The following LIMD1 variants were observed in gnomAD, a reference collection of about 807,000 sequenced individuals.
The protein encoded by LIMD1 is LIM domain-containing protein 1.
A neutral mutation model predicts 58.4 loss-of-function variants in LIMD1; 23 were observed. The observed-to-expected ratio is 0.39, with a 90% CI of 0.28 to 0.56. LIMD1 has a LOEUF of 0.56. Ranked by LOEUF, LIMD1 falls within the 20% of genes least tolerant of loss-of-function variation. The probability of loss-of-function intolerance (pLI) is 0.57; values close to 1 mark genes in which losing one functional copy is unlikely to be tolerated. For missense variants in LIMD1, 838 were observed against 855.5 expected, an observed-to-expected ratio of 0.98 and a Z score of 0.25; for synonymous variants, 334 against 345.5, an observed-to-expected ratio of 0.97 and a Z score of 0.37.
At chr3:45,657,295 A>C (rs1697349704) in intron 2 of LIMD1, among the ~76,000 whole-genome samples, 1 of 152,166 alleles carries the variant, frequency 6.6e-6, no homozygotes, top group Non-Finnish European at 1.5e-5. Flanking sequence ...GTTTTTACGG[A>C]GCTGTTCATG....
At position 45,684,566 on chromosome 3, in the gene LIMD1, A is replaced by G. The variant is rs1485349320; in HGVS notation, c.*7507A>G. The G allele has an allele frequency of 6.6e-6, 1 of 152,256 alleles. No individual in the cohort carries two copies. The highest frequency in any genetic ancestry group is 1.5e-5 in the Non-Finnish European group (1 of 68,066). 9.4% of individuals were successfully genotyped at this position (152,256 alleles called of 1,614,324 possible). A position where few individuals can be genotyped will look rare whatever the true frequency, so the allele number is the denominator to read the frequency against. On this transcript the variant is annotated 3_prime_UTR_variant, in exon 8 of 8. Coordinates refer to ENST00000273317, the MANE Select transcript of LIMD1 (RefSeq NM_014240.3). ...CCATGCAGAGGGAGGAGGACTCCGA[A>G]TGGATCTCCCCATTCCTGGCGGGAA...
Position 45,682,140 on chromosome 3 carries a change from C to G in LIMD1, c.*5081C>G, listed in dbSNP as rs1257319802. On this transcript the variant is annotated 3_prime_UTR_variant, in exon 8 of 8. Transcript: ENST00000273317. ...AGCTGGGAGTGAGGATACTCATAGT[C>G]ATAGCACCTTACACCAGAATAAAAG... 1 of 152,178 alleles carries G rather than the reference C, an allele frequency of 6.6e-6. No homozygotes were observed. Among genetic ancestry groups the G allele is most frequent in the Non-Finnish European group, 1.5e-5 (1 of 68,052 alleles). 9.4% of individuals were successfully genotyped at this position (152,178 alleles called of 1,614,324 possible). A position where few individuals can be genotyped will look rare whatever the true frequency, so the allele number is the denominator to read the frequency against.
intron 4 of LIMD1, among the ~76,000 whole-genome samples, chr3:45,668,933 G>C (rs901528125): frequency 2.6e-5 from 4 of 152,170 alleles, no homozygotes; most frequent in African/African-American, 9.7e-5. Flanking sequence ...GCTTCTCTGT[G>C]ATCCTTGTGG....
At chr3:45,625,571 T>C (rs922893424) in intron 1 of LIMD1, among the ~76,000 whole-genome samples, 1 of 152,082 alleles carries the variant, frequency 6.6e-6, no homozygotes, top group Non-Finnish European at 1.5e-5. Context: ...AGTTCAAGTG[T>C]TGGAAACTGA....
chr3:45,664,946 G>A (rs1024517769), intron 2 of LIMD1, among the ~76,000 whole-genome samples: 4 of 152,018 alleles, frequency 2.6e-5, no homozygotes, highest in African/African-American at 7.3e-5. Context: ...AGGGGATCCC[G>A]GGACACCCTC....
At chr3:45,660,479 G>T (rs1221488966) in intron 2 of LIMD1, among the ~76,000 whole-genome samples, 1 of 141,936 alleles carries the variant, frequency 7.0e-6, no homozygotes, top group Non-Finnish European at 1.5e-5. Context: ...GCAATGGCGC[G>T]ATCTTAGCTT....
intron 1 of LIMD1, among the ~76,000 whole-genome samples, chr3:45,602,892 T>C (rs1701429990): frequency 6.6e-6 from 1 of 151,186 alleles, no homozygotes; most frequent in Non-Finnish European, 1.5e-5. Context: ...CAGGCTGGAG[T>C]GCAGTGGTGC....
intron 2 of LIMD1, among the ~76,000 whole-genome samples, chr3:45,646,691 CTTT>C (rs565278104): frequency 7.4e-6 from 1 of 135,468 alleles, no homozygotes. Flanking sequence ...GTTCCTAAAT[CTTT>C]TTTTTTTTTT....
chr3:45,621,773 G>A (rs1170945746), intron 1 of LIMD1, among the ~76,000 whole-genome samples: 2 of 152,074 alleles, frequency 1.3e-5, no homozygotes, highest in South Asian at 2.1e-4. Flanking sequence ...AATTGAAATT[G>A]TGCAATTCAG....
intron 1 of LIMD1, among the ~76,000 whole-genome samples, chr3:45,630,715 G>T (rs1165536895): frequency 6.6e-6 from 1 of 151,918 alleles, no homozygotes; most frequent in Admixed American, 6.6e-5. Context: ...TCATGATGGG[G>T]GGGGTTGGGG....
intron 2 of LIMD1, among the ~76,000 whole-genome samples, chr3:45,643,048 C>T (rs1326107398): frequency 6.6e-6 from 1 of 152,120 alleles, no homozygotes; most frequent in Non-Finnish European, 1.5e-5. Flanking sequence ...CAGGAGTGGC[C>T]TTTGTTGACA....
chr3:45,608,715 C>G (rs1701491927), intron 1 of LIMD1, among the ~76,000 whole-genome samples: 1 of 151,942 alleles, frequency 6.6e-6, no homozygotes, highest in Non-Finnish European at 1.5e-5. Flanking sequence ...TGGCGCATGC[C>G]TGTAGTCCCA....
At chr3:45,616,624 T>C (rs1046328501) in intron 1 of LIMD1, among the ~76,000 whole-genome samples, 1 of 152,168 alleles carries the variant, frequency 6.6e-6, no homozygotes, top group African/African-American at 2.4e-5. Flanking sequence ...TATTCCAGTT[T>C]CTTTCCACTG....
rs1697780595 is a variant in LIMD1, at chr3:45,684,189, G to T, written c.*7130G>T. Reference sequence around the variant, plus strand: ...CTTCTAGGAGAATCTCTGGCTATGTGGATACGTCCAGGTGTGTAAGGCAGC... The same window carrying T: ...CTTCTAGGAGAATCTCTGGCTATGTTGATACGTCCAGGTGTGTAAGGCAGC... On this transcript the variant is annotated 3_prime_UTR_variant, in exon 8 of 8. Coordinates refer to ENST00000273317, the MANE Select transcript of LIMD1 (RefSeq NM_014240.3). The T allele has an allele frequency of 6.6e-6, 1 of 152,214 alleles. No individual in the cohort carries two copies. Among genetic ancestry groups the T allele is most frequent in the Admixed American group, 6.5e-5 (1 of 15,282 alleles). The allele number at this position is 152,214 out of a possible 1,614,324, so 9.4% of individuals were successfully genotyped here.
At chr3:45,667,155 A>C (rs1697531239) in intron 3 of LIMD1, among the ~76,000 whole-genome samples, 1 of 152,228 alleles carries the variant, frequency 6.6e-6, no homozygotes, top group African/African-American at 2.4e-5. Flanking sequence ...GATGGGCAAG[A>C]GTGCCAGTCC....
intron 4 of LIMD1, among the ~76,000 whole-genome samples, chr3:45,671,906 C>T (rs1302558336): frequency 6.6e-6 from 1 of 152,166 alleles, no homozygotes; most frequent in Non-Finnish European, 1.5e-5. Context: ...TACTTACGGA[C>T]CTCACCAAGG....
chr3:45,662,047 T>A (rs1312145417), intron 2 of LIMD1, among the ~76,000 whole-genome samples: 1 of 152,242 alleles, frequency 6.6e-6, no homozygotes, highest in East Asian at 1.9e-4. Flanking sequence ...TGTGAGCCAC[T>A]GTGCCTGGCA....
intron 2 of LIMD1, among the ~76,000 whole-genome samples, chr3:45,657,138 G>A (rs1697343937): frequency 1.3e-5 from 2 of 152,116 alleles, no homozygotes; most frequent in Admixed American, 1.3e-4. Context: ...CTGCCTCCCT[G>A]CTTCTCAGCA....
chr3:45,609,519 C>T (rs1701503725), intron 1 of LIMD1, among the ~76,000 whole-genome samples: 1 of 152,124 alleles, frequency 6.6e-6, no homozygotes, highest in Non-Finnish European at 1.5e-5. Context: ...TGAATGGTTC[C>T]TTGGTTTCCT....
Sources: gnomAD v4.1 joint callset for allele counts (sites outside exome capture counted in the v4.1 genomes callset) on GRCh38, gnomAD v4.1.1 for gene constraint, MANE v1.5 for transcripts, NCBI Gene and HGNC (gene_info 2026-07-23, HGNC 2026-07-21) for gene names.